The following ACBD6 variants were observed in gnomAD, a reference collection of about 807,000 sequenced individuals.
ACBD6 encodes the protein acyl-CoA-binding domain-containing protein 6.
Under a neutral mutation model 37.2 loss-of-function variants are expected in ACBD6, and 28 were observed. The ratio of observed to expected loss-of-function variants is 0.75; its 90% CI spans 0.56 to 1.03. ACBD6 has a LOEUF of 1.03. Ranked by LOEUF, ACBD6 falls within the 50% of genes least tolerant of loss-of-function variation. The pLI is 0.00. For missense variants in ACBD6, 340 were observed against 337.4 expected, an observed-to-expected ratio of 1.01 and a Z score of -0.06; for synonymous variants, 113 against 126.8, an observed-to-expected ratio of 0.89 and a Z score of 0.73.
At chr1:180,476,537 A>G (rs1650793859) in intron 3 of ACBD6, among the ~76,000 whole-genome samples, 1 of 152,250 alleles carries the variant, frequency 6.6e-6, no homozygotes, top group African/African-American at 2.4e-5. Context: ...ATAAAACAAG[A>G]AAACTCAGCC....
chr1:180,458,084 C>T (rs947217531), intron 3 of ACBD6, among the ~76,000 whole-genome samples: 3 of 152,158 alleles, frequency 2.0e-5, no homozygotes, highest in Non-Finnish European at 2.9e-5. Flanking sequence ...GTGTGAGCCA[C>T]CATGCCCGGC....
chr1:180,272,092 T>C (rs1648707245), intron 13 of ACBD6: 1 of 1,292,268 alleles, frequency 7.7e-7, no homozygotes, highest in Non-Finnish European at 1.1e-6. Context: ...GGGATCTTTC[T>C]TGAGGCCTTG....
At chr1:180,476,405 T>A (rs557249847) in intron 3 of ACBD6, among the ~76,000 whole-genome samples, 98 of 152,096 alleles carry the variant, frequency 6.4e-4, no homozygotes, top group East Asian at 5.0e-3. Context: ...TTTTTTTTTT[T>A]AAAAAAAGAA....
intron 1 of ACBD6, among the ~76,000 whole-genome samples, chr1:180,501,240 CAG>C (rs2102109664): frequency 6.6e-6 from 1 of 152,230 alleles, no homozygotes; most frequent in East Asian, 1.9e-4. Flanking sequence ...TTGTATCAAA[CAG>C]AAAGGAAGAC....
At chr1:180,362,914 A>G (rs1318990866) in intron 6 of ACBD6, among the ~76,000 whole-genome samples, 1 of 152,246 alleles carries the variant, frequency 6.6e-6, no homozygotes, top group East Asian at 1.9e-4. Context: ...AACCTATGCT[A>G]ATCCCAAATC....
chr1:180,301,360 G>A (rs1489718937), intron 7 of ACBD6, among the ~76,000 whole-genome samples: 1 of 152,128 alleles, frequency 6.6e-6, no homozygotes, highest in Non-Finnish European at 1.5e-5. Context: ...TTCTATGGCT[G>A]ACTAGTAGCC....
chr1:180,498,812 T>G (rs534738777), intron 1 of ACBD6, among the ~76,000 whole-genome samples: 21 of 150,410 alleles, frequency 1.4e-4, no homozygotes, highest in Non-Finnish European at 2.8e-4. Context: ...GAGCCCAGAT[T>G]ACGCCACTGC....
intron 7 of ACBD6, among the ~76,000 whole-genome samples, chr1:180,302,147 G>A (rs2149284278): frequency 6.6e-6 from 1 of 151,894 alleles, no homozygotes; most frequent in Middle Eastern, 3.4e-3. Context: ...TAACAAACCT[G>A]CATGTTGTGC....
At position 180,279,177 on chromosome 1, in the gene ACBD6, G is replaced by A. The variant is rs1649225636; in HGVS notation, c.*174+2129C>T. Among the ~76,000 whole-genome samples the A allele has an allele frequency of 2.0e-5, 3 of 152,166 alleles. No homozygotes were observed. In the South Asian group the frequency reaches 6.2e-4, roughly 32 times the overall value. The stretch of plus-strand genomic sequence containing the variant: ...ACCACTCAATAAAGGACTGATTAGA[G>A]GAAGTTCCCTGGTTTTTCTAATAGT... On this transcript the variant is annotated intron_variant, in intron 9 of 13. Transcript: ENST00000642319.
At chr1:180,500,436 T>C (rs1327340732) in intron 1 of ACBD6, among the ~76,000 whole-genome samples, 1 of 152,088 alleles carries the variant, frequency 6.6e-6, no homozygotes, top group Non-Finnish European at 1.5e-5. Flanking sequence ...CTCACACCTG[T>C]AATCCCAGCA....
chr1:180,382,114 CAAAA>C (rs59973107), intron 6 of ACBD6, among the ~76,000 whole-genome samples: 2 of 112,156 alleles, frequency 1.8e-5, no homozygotes, highest in Non-Finnish European at 3.9e-5. Flanking sequence ...GACTGCATCT[CAAAA>C]AAAAAAAAAA....
At chr1:180,375,517 G>T (rs1374810885) in intron 6 of ACBD6, among the ~76,000 whole-genome samples, 2 of 152,088 alleles carry the variant, frequency 1.3e-5, no homozygotes, top group East Asian at 1.9e-4. Context: ...GTAGAGATGG[G>T]GTCTTGCTTT....
chr1:180,494,894 T>C (rs890495549), intron 2 of ACBD6, among the ~76,000 whole-genome samples: 4 of 152,224 alleles, frequency 2.6e-5, no homozygotes, highest in African/African-American at 9.6e-5. Flanking sequence ...GTATACTCTT[T>C]TTTTTATATA....
intron 6 of ACBD6, among the ~76,000 whole-genome samples, chr1:180,390,624 C>T (rs1311314435): frequency 6.6e-6 from 1 of 152,102 alleles, no homozygotes; most frequent in Non-Finnish European, 1.5e-5. Context: ...ATTGATTCTT[C>T]CTACCCATGA....
At chr1:180,271,583 A>T in exon 14 of ACBD6, 2 of 1,604,172 alleles carry the variant, frequency 1.2e-6, no homozygotes, top group South Asian at 1.1e-5. Context: ...GGCCCGGGAC[A>T]GGGGTGGAAG....
chr1:180,287,581 T>C (rs1649546706), downstream of ACBD6, among the ~76,000 whole-genome samples: 1 of 105,662 alleles, frequency 9.5e-6, no homozygotes, highest in Admixed American at 1.0e-4. Context: ...ATCTAAGCTT[T>C]TTTTTTTTTT....
intron 3 of ACBD6, among the ~76,000 whole-genome samples, chr1:180,483,712 T>C (rs1428363869): frequency 1.3e-5 from 2 of 152,236 alleles, no homozygotes. Context: ...TATTAATCTT[T>C]TAATCAGTGA....
At chr1:180,411,450 C>T (rs547741072) in intron 5 of ACBD6, among the ~76,000 whole-genome samples, 1 of 152,298 alleles carries the variant, frequency 6.6e-6, no homozygotes, top group Non-Finnish European at 1.5e-5. Flanking sequence ...GCCACAGCCA[C>T]CCCAACCTTC....
chr1:180,271,551 C>G (rs761737345), exon 14 of ACBD6: 5 of 1,613,658 alleles, frequency 3.1e-6, no homozygotes, highest in Non-Finnish European at 4.2e-6. Flanking sequence ...TGCCAGCACT[C>G]CTGTGCCCTC....
Sources: allele counts gnomAD v4.1 joint callset (sites outside exome capture counted in the v4.1 genomes callset), GRCh38; gene constraint gnomAD v4.1.1; transcripts MANE v1.5; gene names NCBI Gene and HGNC (gene_info 2026-07-23, HGNC 2026-07-21).